The following SYNE1 variants were observed in gnomAD, a reference collection of about 807,000 sequenced individuals.
SYNE1 encodes the protein nesprin-1.
SYNE1 carries 616 observed loss-of-function variants against 1,111.0 expected under a neutral mutation model. The observed-to-expected ratio is 0.55, with a 90% CI of 0.52 to 0.59. The LOEUF (loss-of-function observed/expected upper bound fraction) is 0.59, where lower values mean the gene tolerates loss of function less well. Ranked by LOEUF, SYNE1 falls within the 20% of genes least tolerant of loss-of-function variation. The pLI, the probability that SYNE1 is intolerant of heterozygous loss-of-function variation, is 0.00. For missense variants in SYNE1, 10,006 were observed against 10,417.0 expected (o/e 0.96, Z 1.72); for synonymous variants, 3,855 against 3,825.8 (o/e 1.01, Z -0.28).
chr6:152,419,756 C>T (rs1403051290), intron 39 of SYNE1, 34 bp from the exon 40 acceptor site: 6 of 1,608,462 alleles, frequency 3.7e-6, no homozygotes, highest in Admixed American at 3.3e-5. Flanking sequence ...TAAAATGTCC[C>T]ATAAGTAAAC....
chr6:152,516,682 G>T (rs756754968), intron 6 of SYNE1, among the ~76,000 whole-genome samples: 68 of 152,212 alleles, frequency 4.5e-4, no homozygotes, highest in Non-Finnish European at 7.2e-4. Flanking sequence ...AGGCTCAAGA[G>T]ATCCTCCCAC....
intron 28 of SYNE1, among the ~76,000 whole-genome samples, 176 bp downstream of exon 28, chr6:152,449,357 T>C (rs1280411175): frequency 6.6e-6 from 1 of 152,168 alleles, no homozygotes; most frequent in Non-Finnish European, 1.5e-5. Flanking sequence ...TACCAAGGAT[T>C]CAATAGGAAA....
chr6:152,204,365 CAAA>C (rs57252682), intron 126 of SYNE1, among the ~76,000 whole-genome samples: 8 of 89,744 alleles, frequency 8.9e-5, no homozygotes, highest in Non-Finnish European at 7.6e-5. Flanking sequence ...GACTCTATGT[CAAA>C]AAAAAAAAAA....
intron 115 of SYNE1, among the ~76,000 whole-genome samples, chr6:152,229,400 T>A (rs2153504171): frequency 6.6e-6 from 1 of 152,272 alleles, no homozygotes; most frequent in South Asian, 2.1e-4. Flanking sequence ...CTGGAAAACA[T>A]TTGGAACGTT....
chr6:152,411,731 C>CCACA (rs1554649309), intron 42 of SYNE1, among the ~76,000 whole-genome samples: 3 of 149,474 alleles, frequency 2.0e-5, no homozygotes, highest in African/African-American at 7.5e-5. Flanking sequence ...ACACACACCC[C>CCACA]CACACACACA....
chr6:152,505,370 A>C lies in SYNE1; in HGVS notation c.609T>G (p.Phe203Leu), dbSNP rs1250204451. The change falls in exon 9 of 146, where the codon TTT becomes TTG. Residue 203 changes from phenylalanine to leucine, a missense_variant. By Grantham distance (22) the Phe-to-Leu change is conservative. Transcript: ENST00000367255. ...CAACCCCGCTTCTCCAACTCTTCCC[A>C]AAATCTTTTACTTCTATTCCAGTCT... ...GKQTGIEVKD[F>L]GKSWRSGVAF... 5 of 1,614,000 alleles carry C rather than the reference A, an allele frequency of 3.1e-6. No homozygotes were observed. The highest frequency in any genetic ancestry group is 4.2e-6 in the Non-Finnish European group (5 of 1,180,014).
At chr6:152,406,523 T>G (rs559001432) in intron 45 of SYNE1, among the ~76,000 whole-genome samples, 1 of 152,006 alleles carries the variant, frequency 6.6e-6, no homozygotes, top group African/African-American at 2.4e-5. Flanking sequence ...CTGTTCAAAT[T>G]AAATAGCAAA....
At chr6:152,463,033 T>G in intron 19 of SYNE1, 143 bp from the exon 20 acceptor site, 1 of 1,070,904 alleles carries the variant, frequency 9.3e-7, no homozygotes, top group Non-Finnish European at 1.4e-6. Flanking sequence ...TAGATAAATT[T>G]GAAGTAAGTC....
intron 18 of SYNE1, 137 bp from the exon 19 acceptor site, chr6:152,463,654 A>G (rs2098747226): frequency 1.2e-6 from 1 of 814,240 alleles, no homozygotes; most frequent in South Asian, 1.6e-5. Context: ...ATCTCTTTAA[A>G]ATGCACATTT....
chr6:152,201,846 T>C lies in SYNE1; in HGVS notation c.23123A>G (p.His7708Arg). The C allele has an allele frequency of 6.2e-7, 1 of 1,613,964 alleles. No homozygotes were observed. The highest frequency in any genetic ancestry group is 1.7e-4 in the Middle Eastern group (1 of 6,056). ...QSLPDHHEEL[H>R]AEQMRCKELE... ...TACCTTGCAACGCATTTGTTCTGCA[T>C]GGAGCTCTTCATGGTGATCCGGGAG... The change falls in exon 127 of 146, where the codon CAT becomes CGT. Residue 7708 changes from histidine (H) to arginine (R), a missense_variant. His to Arg is a conservative substitution (Grantham distance 29). Around this residue, in one of 7 missense-constraint regions of SYNE1, gnomAD observed 2,182 missense variants for 2,287.8 expected, o/e 0.95. Coordinates refer to ENST00000367255, the MANE Select transcript of SYNE1 (RefSeq NM_182961.4).
chr6:152,461,198 T>C (rs2098732068), intron 21 of SYNE1, among the ~76,000 whole-genome samples: 3 of 152,096 alleles, frequency 2.0e-5, no homozygotes, highest in Admixed American at 2.0e-4. Flanking sequence ...TGCAGAAAAT[T>C]GCACAAATAA....
Position 152,520,505 on chromosome 6 carries a change from G to A in SYNE1, c.263C>T (p.Ala88Val), listed in dbSNP as rs2154348376. ...EQGRRMKRIH[A>V]VANIGTALKF... is the part of the protein sequence containing the mutation. ...GAGTGCCGTGCCAATGTTAGCCACA[G>A]CATGGATTCGCTTCATCCGGCGTCC... The change falls in exon 6 of 146, where the codon GCT becomes GTT. Residue 88 changes from alanine (A) to valine (V), a missense_variant. By Grantham distance (64) the Ala-to-Val change is moderately conservative. Around this residue, in one of 7 missense-constraint regions of SYNE1, gnomAD observed 1,971 missense variants for 2,084.1 expected, o/e 0.95. Transcript: ENST00000367255. 6.2e-7 allele frequency: 1 copy of A among 1,613,676 alleles called. No individual in the cohort carries two copies. Among genetic ancestry groups the A allele is most frequent in the Non-Finnish European group, 8.5e-7 (1 of 1,179,730 alleles).
chr6:152,373,333 G>GA, intron 58 of SYNE1, 114 bp from the exon 59 acceptor site: 1 of 961,266 alleles, frequency 1.0e-6, no homozygotes, highest in Non-Finnish European at 1.5e-6. Flanking sequence ...AGGCTGGAGT[G>GA]CAGTAGTGCG....
intron 39 of SYNE1, among the ~76,000 whole-genome samples, chr6:152,420,327 A>G (rs1444307391): frequency 6.6e-6 from 1 of 152,206 alleles, no homozygotes; most frequent in African/African-American, 2.4e-5. Flanking sequence ...GAACTAAGAA[A>G]AAACTTCCAT....
intron 34 of SYNE1, among the ~76,000 whole-genome samples, chr6:152,433,235 T>C (rs2098444978): frequency 6.6e-6 from 1 of 152,148 alleles, no homozygotes. Context: ...TGGCCAATGA[T>C]AGTCTATCCA....
chr6:152,429,660 C>G (rs567826208), intron 36 of SYNE1, among the ~76,000 whole-genome samples: 1 of 152,106 alleles, frequency 6.6e-6, no homozygotes, highest in Admixed American at 6.6e-5. Context: ...CTGTCTGTAG[C>G]CTTGCAGAAG....
chr6:152,224,174 AG>A (rs747941080), intron 117 of SYNE1, among the ~76,000 whole-genome samples: 21 of 152,324 alleles, frequency 1.4e-4, no homozygotes, highest in Non-Finnish European at 2.5e-4. Flanking sequence ...AGAAGAGAAA[AG>A]GAAGACAAAA....
At chr6:152,498,459 T>C (rs1034205042) in intron 11 of SYNE1, among the ~76,000 whole-genome samples, 2 of 152,228 alleles carry the variant, frequency 1.3e-5, no homozygotes, top group African/African-American at 2.4e-5. Flanking sequence ...AAGTCCTTTT[T>C]ATTAGTGTTA....
chr6:152,122,115 C>T lies in SYNE1; in HGVS notation c.*321G>A. The T allele has an allele frequency of 2.5e-6, 1 of 401,518 alleles. No individual in the cohort carries two copies. The highest frequency in any genetic ancestry group is 2.2e-5 in the South Asian group (1 of 45,886). The allele number at this position is 401,518 out of a possible 1,614,324, so 24.9% of individuals were successfully genotyped here. A position where few individuals can be genotyped will look rare whatever the true frequency, so the allele number is the denominator to read the frequency against. Reference sequence around the variant, plus strand: ...CCAGATGGTCTACTGAAGTCCTTGGCTGTGCACAGAATGGGCCAAGGGCCC... The same window carrying T: ...CCAGATGGTCTACTGAAGTCCTTGGTTGTGCACAGAATGGGCCAAGGGCCC... On this transcript the variant is annotated 3_prime_UTR_variant, in exon 146 of 146. Transcript: ENST00000367255.
Sources: gnomAD v4.1 joint callset for allele counts (sites outside exome capture counted in the v4.1 genomes callset) on GRCh38, gnomAD v4.1.1 for gene constraint, gnomAD v4.1.1 regional missense constraint, MANE v1.5 for transcripts, NCBI Gene and HGNC (gene_info 2026-07-23, HGNC 2026-07-21) for gene names.